The following CCDC15 variants were observed in gnomAD, a reference collection of about 807,000 sequenced individuals.
CCDC15 encodes the protein coiled-coil domain containing 15.
Under a neutral mutation model 114.5 loss-of-function variants are expected in CCDC15, and 105 were observed. The observed-to-expected ratio is 0.92, with a 90% confidence interval of 0.78 to 1.08. The LOEUF is 1.08. Ranked by LOEUF, CCDC15 falls within the 50% of genes least tolerant of loss-of-function variation. The pLI is 0.00. For missense variants in CCDC15, 1,105 were observed against 1,093.6 expected (o/e 1.01, Z -0.15); for synonymous variants, 334 against 377.8 (o/e 0.88, Z 1.34).
At chr11:124,986,698 T>TGTGC (rs1565366353) in intron 6 of CCDC15, 44 bp from the exon 7 acceptor site, 1 of 1,437,424 alleles carries the variant, frequency 7.0e-7, no homozygotes, top group South Asian at 1.4e-5. Flanking sequence ...TGTTTGTGTG[T>TGTGC]GTGCGCGCGC....
Position 125,038,508 on chromosome 11 carries a change from A to C in CCDC15, c.2489A>C (p.Tyr830Ser), listed in dbSNP as rs936983542. 3.2e-6 allele frequency: 5 copies of C among 1,586,522 alleles called. No homozygotes were observed. The highest frequency in any genetic ancestry group is 1.3e-5 in the African/African-American group (1 of 74,334). The stretch of plus-strand genomic sequence containing the variant: ...AGAATGAACTTTCATGAAGATCCAT[A>C]TTCAGGAGAGAAGTTGAGTGAGATA... ...ILRMNFHEDP[Y>S]SGEKLSEILA... is the part of the protein sequence containing the mutation. Residue 830 changes from tyrosine (Y) to serine (S), a missense_variant, in exon 14 of 16, where the codon TAT (tyrosine) becomes TCT (serine). Physicochemically the swap from Tyr to Ser is moderately radical, Grantham distance 144 (BLOSUM62 -2). Coordinates refer to ENST00000344762, the MANE Select transcript of CCDC15 (RefSeq NM_025004.3).
chr11:124,974,958 T>A (rs1565360500), intron 4 of CCDC15, 138 bp from the exon 5 acceptor site: 3 of 531,582 alleles, frequency 5.6e-6, no homozygotes, highest in Non-Finnish European at 1.0e-5. Flanking sequence ...CATCAAAGTC[T>A]CCTTTGCAAG....
intron 13 of CCDC15, among the ~76,000 whole-genome samples, chr11:125,007,635 GT>G (rs1008681379): frequency 6.7e-5 from 10 of 148,562 alleles, no homozygotes; most frequent in East Asian, 2.0e-4. Flanking sequence ...CTGTTTTTAG[GT>G]TTTTTTTTTA....
In CCDC15 at chr11:124,975,202, C is replaced by A; in HGVS notation, c.623C>A (p.Thr208Asn). 1.3e-6 allele frequency: 2 copies of A among 1,553,110 alleles called. No individual in the cohort carries two copies. Among genetic ancestry groups the A allele is most frequent in the Non-Finnish European group, 1.7e-6 (2 of 1,149,678 alleles). ...GATGATGGAAGGAAAAGCTTTCTTACCAGAGAGGTAAATTAATTTCTAATA... is the reference window on the plus strand; with the variant it reads ...GATGATGGAAGGAAAAGCTTTCTTAACAGAGAGGTAAATTAATTTCTAATA... The part of the protein sequence containing the change: ...FPDDGRKSFL[T>N]REEVLSRKPA... Residue 208 changes from threonine (T) to asparagine (N), a missense_variant, in exon 5 of 16, where the codon ACC becomes AAC. Thr to Asn is a moderately conservative substitution (Grantham distance 65). Coordinates refer to ENST00000344762, the MANE Select transcript of CCDC15 (RefSeq NM_025004.3).
rs1426379136 is a variant in CCDC15, at chr11:124,954,817, T to A, written c.85T>A (p.Leu29Met). 1.2e-6 allele frequency: 2 copies of A among 1,613,904 alleles called. No individual in the cohort carries two copies. The highest frequency in any genetic ancestry group is 1.7e-6 in the Non-Finnish European group (2 of 1,179,888). ...AAACCCCCTGAAGAGCAAGGACGTGTTGGCAGTGCTGGCTGAGAGGAACGA... is the reference window on the plus strand; with the variant it reads ...AAACCCCCTGAAGAGCAAGGACGTGATGGCAGTGCTGGCTGAGAGGAACGA... ...ALNPLKSKDV[L>M]AVLAERNEAI... The change falls in exon 2 of 16, where the codon TTG becomes ATG. Residue 29 changes from leucine (L) to methionine (M), a missense_variant. Transcript: ENST00000344762.
At chr11:125,014,313 G>A (rs868119396) in intron 13 of CCDC15, among the ~76,000 whole-genome samples, 3 of 152,050 alleles carry the variant, frequency 2.0e-5, no homozygotes, top group Non-Finnish European at 4.4e-5. Context: ...TCTGGTTATG[G>A]ATAACATAAT....
At chr11:124,983,011 T>A (rs530056322) in intron 6 of CCDC15, among the ~76,000 whole-genome samples, 14 of 152,320 alleles carry the variant, frequency 9.2e-5, no homozygotes, top group Non-Finnish European at 1.3e-4. Flanking sequence ...TTTTTCTTTA[T>A]TTTTGTCTGA....
rs116188431 is a variant in CCDC15 at position 124,991,688 on chromosome 11, A to G, written c.2031+105A>G. 2.3e-3 allele frequency: 2,438 copies of G among 1,069,016 alleles called. 52 individuals are homozygous for G. The African/African-American group carries it at 0.035, about 15-fold the overall frequency. The allele number at this position is 1,069,016 out of a possible 1,614,324, so 66.2% of individuals were successfully genotyped here. On this transcript the variant is annotated intron_variant, in intron 9 of 15. Transcript: ENST00000344762. ...GGGATTTTGGAGCTAACCTAAGAAT[A>G]TAGTGGCTTTTTTCTGATGGAGTCT...
At chr11:125,006,417 G>A (rs557670191) in intron 13 of CCDC15, among the ~76,000 whole-genome samples, 1 of 152,086 alleles carries the variant, frequency 6.6e-6, no homozygotes, top group Non-Finnish European at 1.5e-5. Context: ...AGAGTTCTTT[G>A]TATATTTTGA....
chr11:124,986,638 T>G, intron 6 of CCDC15, 104 bp from the exon 7 acceptor site: 6 of 1,238,024 alleles, frequency 4.8e-6, no homozygotes, highest in Non-Finnish European at 6.5e-6. Flanking sequence ...TGCAATCACA[T>G]TGTTTCTTCC....
chr11:124,995,288 C>CT (rs1480025097), intron 11 of CCDC15, among the ~76,000 whole-genome samples: 2 of 152,134 alleles, frequency 1.3e-5, no homozygotes, highest in African/African-American at 2.4e-5. Context: ...AATAGATCTC[C>CT]TTTTTTCTGT....
In CCDC15 at chr11:125,041,031, A is replaced by T. The variant is rs76670983; in HGVS notation, c.*320A>T. ...AGTCTTTGAGATTCTCTTATTTATC[A>T]TCTTTCTAAAACTGTGTTTTTGAGC... is the stretch of plus-strand genomic sequence containing the variant. On this transcript the variant is annotated 3_prime_UTR_variant, in exon 16 of 16. Transcript: ENST00000344762. 1.0e-5 allele frequency: 2 copies of T among 195,098 alleles called. No individual in the cohort carries two copies. The highest frequency in any genetic ancestry group is 4.6e-5 in the African/African-American group (2 of 43,214). 12.1% of individuals were successfully genotyped at this position (195,098 alleles called of 1,614,324 possible).
chr11:125,005,386 C>A (rs111522030), intron 13 of CCDC15, among the ~76,000 whole-genome samples, 174 bp downstream of exon 13: 4 of 151,804 alleles, frequency 2.6e-5, no homozygotes, highest in Non-Finnish European at 4.4e-5. Flanking sequence ...TTTTTTGGTT[C>A]GATTTTCTAT....
chr11:125,039,199 A>G (rs569454275), intron 15 of CCDC15, 130 bp downstream of exon 15: 91 of 775,452 alleles, frequency 1.2e-4, no homozygotes, highest in Non-Finnish European at 1.4e-4. Flanking sequence ...CCTTTACAAA[A>G]TAACTATATG....
chr11:124,968,630 A>G (rs899956722), intron 4 of CCDC15, among the ~76,000 whole-genome samples: 1 of 151,832 alleles, frequency 6.6e-6, no homozygotes, highest in Non-Finnish European at 1.5e-5. Flanking sequence ...GCGATGCCCC[A>G]CCCTGCTTCG....
At chr11:125,013,639 G>T (rs917245320) in intron 13 of CCDC15, among the ~76,000 whole-genome samples, 18 of 152,098 alleles carry the variant, frequency 1.2e-4, no homozygotes, top group Non-Finnish European at 1.8e-4. Context: ...TTTCTTCTTA[G>T]ATAATTGAAT....
chr11:124,992,574 C>T lies in CCDC15; in HGVS notation c.2032-6C>T, dbSNP rs1948288604. ...GTTGTTTTTCCTTTAAAATATGTTTCTCAAGCAACCTGCATCTTTTATGAG... is the reference window on the plus strand; with the variant it reads ...GTTGTTTTTCCTTTAAAATATGTTTTTCAAGCAACCTGCATCTTTTATGAG... On this transcript the variant is annotated splice_region_variant and splice_polypyrimidine_tract_variant and intron_variant, in intron 9 of 15. Coordinates refer to ENST00000344762, the MANE Select transcript of CCDC15 (RefSeq NM_025004.3). 4 of 1,549,020 alleles carry T rather than the reference C, an allele frequency of 2.6e-6. No homozygotes were observed. The highest frequency in any genetic ancestry group is 3.5e-6 in the Non-Finnish European group (4 of 1,135,460).
intron 1 of CCDC15, 54 bp from the exon 2 acceptor site, chr11:124,954,670 G>T: frequency 6.5e-7 from 1 of 1,541,288 alleles, no homozygotes; most frequent in South Asian, 1.2e-5. Flanking sequence ...TTAGGAGGTT[G>T]AACTTTTAAT....
chr11:125,009,892 T>A (rs1948577748), intron 13 of CCDC15, among the ~76,000 whole-genome samples: 3 of 152,242 alleles, frequency 2.0e-5, no homozygotes. Flanking sequence ...ATTTTCTTTA[T>A]CCAGTTCGCC....
Sources: gnomAD v4.1 joint callset for allele counts (sites outside exome capture counted in the v4.1 genomes callset) on GRCh38, gnomAD v4.1.1 for gene constraint, MANE v1.5 for transcripts, NCBI Gene and HGNC (gene_info 2026-07-23, HGNC 2026-07-21) for gene names.